PCLO: variants seen among roughly 807,000 people sequenced by gnomAD.
The protein encoded by PCLO is protein piccolo.
A neutral mutation model predicts 427.5 loss-of-function variants in PCLO; 82 were observed. The ratio of observed to expected loss-of-function variants is 0.19; its 90% CI spans 0.16 to 0.23. The LOEUF (loss-of-function observed/expected upper bound fraction) is 0.23, where lower values mean the gene tolerates loss of function less well. Ranked by LOEUF, PCLO falls within the 10% of genes least tolerant of loss-of-function variation. PCLO has a pLI of 1.00. For missense variants in PCLO, 6,239 were observed against 6,115.9 expected (o/e 1.02, Z -0.67); for synonymous variants, 2,357 against 2,155.4 (o/e 1.09, Z -2.59).
At chr7:82,945,100 T>C (rs1795169969) in intron 6 of PCLO, among the ~76,000 whole-genome samples, 1 of 152,132 alleles carries the variant, frequency 6.6e-6, no homozygotes, top group South Asian at 2.1e-4. Flanking sequence ...AAATTCTGAC[T>C]GTGTTTGTGT....
intron 10 of PCLO, among the ~76,000 whole-genome samples, chr7:82,853,819 A>T (rs185567099): frequency 6.6e-6 from 1 of 151,776 alleles, no homozygotes; most frequent in Admixed American, 6.6e-5. Context: ...TTCATCCTTG[A>T]CTCCCTCAAG....
intron 22 of PCLO, among the ~76,000 whole-genome samples, chr7:82,773,619 T>C (rs996999317): frequency 6.6e-6 from 1 of 152,276 alleles, no homozygotes; most frequent in Admixed American, 6.5e-5. Context: ...CTAAACACTA[T>C]TTTTCCAGCT....
intron 5 of PCLO, 150 bp downstream of exon 5, chr7:82,951,706 G>T (rs538020022): frequency 3.3e-6 from 4 of 1,199,582 alleles, no homozygotes; most frequent in African/African-American, 1.5e-5. Flanking sequence ...GAACAAAAGC[G>T]CACTTGTACT....
chr7:82,847,089 G>T, intron 11 of PCLO, 50 bp downstream of exon 11: 1 of 919,242 alleles, frequency 1.1e-6, no homozygotes. Context: ...TAAATTAAAA[G>T]AGTCATGGAT....
At chr7:82,848,923 T>A in intron 10 of PCLO, 1 of 410,410 alleles carries the variant, frequency 2.4e-6, no homozygotes, top group Non-Finnish European at 4.9e-6. Context: ...AATCCCAGGC[T>A]GTTGTACATA....
intron 3 of PCLO, among the ~76,000 whole-genome samples, chr7:83,083,057 A>AT (rs36028493): frequency 0.27 from 41,205 of 151,398 alleles, 6,764 homozygotes; most frequent in East Asian, 0.55. Flanking sequence ...ACAATCAACT[A>AT]TTTTTTTAAA....
At chr7:82,784,341 C>A (rs898916634) in intron 22 of PCLO, among the ~76,000 whole-genome samples, 2 of 152,124 alleles carry the variant, frequency 1.3e-5, no homozygotes. Context: ...GCTGGTCAGC[C>A]GGGAACGTTA....
Position 82,916,738 on chromosome 7 carries a change from T to C in PCLO, c.11248A>G (p.Arg3750Gly). The C allele has an allele frequency of 6.2e-7, 1 of 1,613,688 alleles. No individual in the cohort carries two copies. Residue 3750 changes from arginine to glycine, a missense_variant, in exon 7 of 25, where the codon AGG becomes GGG. Coordinates refer to ENST00000333891, the MANE Select transcript of PCLO (RefSeq NM_033026.6). ...GCCATTGTGTTGGTTCTGCAGATCC[T>C]TCTCCTGGAAACTGTGCCCATTGTG... ...FSTMGTVSRR[R>G]ICRTNTMARA...
chr7:82,820,984 A>G, intron 20 of PCLO: 3 of 1,227,006 alleles, frequency 2.4e-6, no homozygotes, highest in African/African-American at 3.1e-5. Context: ...CTGAAATGCC[A>G]TGCCCACAAA....
At chr7:82,794,452 T>TG (rs1477056081) in intron 22 of PCLO, among the ~76,000 whole-genome samples, 2 of 88,832 alleles carry the variant, frequency 2.3e-5, no homozygotes. Context: ...GTTCATAAAT[T>TG]TTTTTTCTTT....
chr7:82,790,726 A>T lies in PCLO; in HGVS notation c.15007+10792T>A, dbSNP rs371770553. On this transcript the variant is annotated intron_variant, in intron 22 of 24. Transcript: ENST00000333891. ...GATCCAGCTGCGCTTGTGAAAAGAG[A>T]AGCACAGTCAATATAAATTCAGAGT... Among the ~76,000 whole-genome samples the T allele has an allele frequency of 2.6e-5, 4 of 152,322 alleles. No individual in the cohort carries two copies. In the East Asian group the frequency reaches 7.7e-4, roughly 29 times the overall value.
Position 82,915,273 on chromosome 7 carries a change from T to G in PCLO, c.12713A>C (p.Gln4238Pro), listed in dbSNP as rs1422541083. 1.2e-6 allele frequency: 2 copies of G among 1,613,534 alleles called. No homozygotes were observed. The highest frequency in any genetic ancestry group is 1.1e-5 in the South Asian group (1 of 91,086). Residue 4238 changes from glutamine to proline, a missense_variant, in exon 7 of 25, where the codon CAA becomes CCA. Coordinates refer to ENST00000333891, the MANE Select transcript of PCLO (RefSeq NM_033026.6). ...TCTGAGGCCAAAAGTGATGTCATCTTGAAGGAGCCTTGCCCTGGAGGAAAT... is the reference window on the plus strand; with the variant it reads ...TCTGAGGCCAAAAGTGATGTCATCTGGAAGGAGCCTTGCCCTGGAGGAAAT... ...GGISSRARLL[Q>P]DDITFGLRKN...
chr7:83,051,942 GT>G (rs940881960), intron 3 of PCLO, among the ~76,000 whole-genome samples: 27 of 151,886 alleles, frequency 1.8e-4, no homozygotes, highest in Admixed American at 8.5e-4. Context: ...GAGAAAGGAT[GT>G]TTTTTTTAAC....
intron 7 of PCLO, among the ~76,000 whole-genome samples, chr7:82,913,288 T>TA (rs567507708): frequency 6.6e-6 from 1 of 151,926 alleles, no homozygotes; most frequent in Non-Finnish European, 1.5e-5. Context: ...TTTAGTTCAA[T>TA]AAAAAAACTA....
intron 1 of PCLO, among the ~76,000 whole-genome samples, chr7:83,160,923 AT>A (rs1309820467): frequency 2.0e-5 from 3 of 152,160 alleles, no homozygotes; most frequent in South Asian, 2.1e-4. Context: ...TGAACACTAA[AT>A]TTTTTTTCTT....
chr7:82,835,918 A>C (rs2301722), intron 15 of PCLO, among the ~76,000 whole-genome samples: 10,659 of 152,166 alleles, frequency 0.07, 499 homozygotes, highest in East Asian at 0.15. Context: ...AATAATTAGG[A>C]GTGTGATTAA....
chr7:82,947,660 C>G (rs1795235051), intron 6 of PCLO, among the ~76,000 whole-genome samples: 1 of 152,026 alleles, frequency 6.6e-6, no homozygotes, highest in African/African-American at 2.4e-5. Context: ...TTTAACTTGA[C>G]CAACTGGAAA....
At chr7:82,837,098 T>TTA (rs995152254) in intron 15 of PCLO, among the ~76,000 whole-genome samples, 1 of 152,126 alleles carries the variant, frequency 6.6e-6, no homozygotes, top group African/African-American at 2.4e-5. Flanking sequence ...AAAATTATGC[T>TTA]TATACGAGGT....
At chr7:83,030,401 T>A (rs1042736813) in intron 3 of PCLO, among the ~76,000 whole-genome samples, 6 of 152,308 alleles carry the variant, frequency 3.9e-5, no homozygotes, top group Admixed American at 2.6e-4. Context: ...TATAACAGCA[T>A]GAGCAAAGGC....
Sources: gnomAD v4.1 joint callset for allele counts (sites outside exome capture counted in the v4.1 genomes callset) on GRCh38, gnomAD v4.1.1 for gene constraint, MANE v1.5 for transcripts, NCBI Gene and HGNC (gene_info 2026-07-23, HGNC 2026-07-21) for gene names.